Variants in ZMIZ1 observed in about 807,000 individuals in gnomAD.
ZMIZ1 encodes the protein zinc finger MIZ-type containing 1.
In ZMIZ1, 17 loss-of-function variants were observed where a neutral mutation model predicts 113.9. The ratio of observed to expected loss-of-function variants is 0.15; its 90% CI spans 0.10 to 0.22. The LOEUF is 0.22. ZMIZ1 is among the 10% of genes least tolerant of loss of function. The pLI is 1.00. For missense variants in ZMIZ1, 1,059 were observed against 1,477.8 expected (o/e 0.72, Z 4.65); for synonymous variants, 607 against 603.1 (o/e 1.01, Z -0.09).
chr10:79,202,189 G>GGAAA (rs1564716548), intron 5 of ZMIZ1, among the ~76,000 whole-genome samples: 2 of 52,626 alleles, frequency 3.8e-5, no homozygotes, highest in Admixed American at 2.5e-4. Context: ...CCCTGTCTCA[G>GGAAA]AAAAAAAAAA....
intron 24 of ZMIZ1, 124 bp downstream of exon 24, chr10:79,311,308 G>T: frequency 1.3e-6 from 1 of 765,108 alleles, no homozygotes; most frequent in African/African-American, 1.8e-5. Flanking sequence ...CGGTGGGAGG[G>T]CTTCACCCAG....
chr10:79,082,620 A>C (rs779474477), intron 1 of ZMIZ1, among the ~76,000 whole-genome samples: 1 of 152,226 alleles, frequency 6.6e-6, no homozygotes, highest in Non-Finnish European at 1.5e-5. Flanking sequence ...GCAGGATCCC[A>C]TGTCCTCCCA....
chr10:79,111,218 A>G (rs1046558497), intron 1 of ZMIZ1, among the ~76,000 whole-genome samples: 1 of 152,140 alleles, frequency 6.6e-6, no homozygotes, highest in Admixed American at 6.5e-5. Context: ...AGGCCCTGGC[A>G]CCCAGGCCAG....
intron 2 of ZMIZ1, among the ~76,000 whole-genome samples, chr10:79,119,302 A>C (rs769634631): frequency 3.3e-5 from 5 of 152,138 alleles, no homozygotes; most frequent in Non-Finnish European, 7.4e-5. Flanking sequence ...TTCCTTCTAG[A>C]GGGCCTCAGC....
chr10:79,093,452 G>A (rs1298482268), intron 1 of ZMIZ1, among the ~76,000 whole-genome samples: 2 of 151,824 alleles, frequency 1.3e-5, no homozygotes, highest in Non-Finnish European at 2.9e-5. Context: ...TCAGCCTCCC[G>A]AGTAACTGGG....
intron 1 of ZMIZ1, among the ~76,000 whole-genome samples, chr10:79,101,843 T>C (rs1259970862): frequency 1.3e-5 from 2 of 152,124 alleles, no homozygotes; most frequent in Non-Finnish European, 2.9e-5. Context: ...TCCACCGTTG[T>C]CCCTCCCCTC....
At chr10:79,214,396 G>A (rs1331623021) in intron 6 of ZMIZ1, among the ~76,000 whole-genome samples, 2 of 152,220 alleles carry the variant, frequency 1.3e-5, no homozygotes, top group East Asian at 3.8e-4. Flanking sequence ...GCCCTACACA[G>A]AGGGGCGCAG....
Position 79,164,953 on chromosome 10 carries a change from G to T in ZMIZ1, c.-50+2820G>T, listed in dbSNP as rs138827595. 5.8e-3 allele frequency among the ~76,000 whole-genome samples: 890 copies of T among 152,270 alleles called. 3 individuals are homozygous for T. Among genetic ancestry groups the T allele is most frequent in the Middle Eastern group, 0.01 (3 of 294 alleles). ...ACTGGACGAGGATACAGGCGCTGAG[G>T]CACCAGTGCCTGCTCCCCGCTGACT... On this transcript the variant is annotated intron_variant, in intron 4 of 24. Coordinates refer to ENST00000334512, the MANE Select transcript of ZMIZ1 (RefSeq NM_020338.4).
rs749925632 is a variant in ZMIZ1, at chr10:79,307,452, C to T, written c.2716C>T (p.Pro906Ser). 48 of 1,613,228 alleles carry T rather than the reference C, an allele frequency of 3.0e-5. No homozygotes were observed. The highest frequency in any genetic ancestry group is 3.9e-5 in the Non-Finnish European group (46 of 1,179,622). ...CAACTTTGACTTCCCCCACGGGAAC[C>T]CTGGAGGGACATCCATGAATGACTT... ...HGNFDFPHGN[P>S]GGTSMNDFMH... Residue 906 changes from proline to serine, a missense_variant, in exon 23 of 25, where the codon CCT (proline) becomes TCT (serine). Pro to Ser is a moderately conservative substitution (Grantham distance 74, BLOSUM62 -1). Transcript: ENST00000334512.
chr10:79,276,224 C>T (rs1300766120), intron 7 of ZMIZ1, among the ~76,000 whole-genome samples: 2 of 152,208 alleles, frequency 1.3e-5, no homozygotes, highest in Admixed American at 1.3e-4. Flanking sequence ...CTCCTGAAGT[C>T]AAACAGCAAG....
chr10:79,240,508 CAG>C (rs900619004), intron 7 of ZMIZ1, among the ~76,000 whole-genome samples: 3 of 152,172 alleles, frequency 2.0e-5, no homozygotes, highest in African/African-American at 7.2e-5. Context: ...CCAAGTGGGC[CAG>C]AGAGAGCCTT....
At chr10:79,070,101 G>A (rs1842208583) in intron 1 of ZMIZ1, among the ~76,000 whole-genome samples, 1 of 150,316 alleles carries the variant, frequency 6.7e-6, no homozygotes, top group Non-Finnish European at 1.5e-5. Context: ...GGGAGTGGGA[G>A]GCCAGCCGGG....
At chr10:79,236,139 G>C (rs556545766) in intron 7 of ZMIZ1, among the ~76,000 whole-genome samples, 1 of 152,214 alleles carries the variant, frequency 6.6e-6, no homozygotes, top group Non-Finnish European at 1.5e-5. Flanking sequence ...TGGTGGCTGG[G>C]ACACCTGGTA....
At chr10:79,243,297 C>G (rs918187698) in intron 7 of ZMIZ1, among the ~76,000 whole-genome samples, 5 of 150,342 alleles carry the variant, frequency 3.3e-5, no homozygotes, top group Admixed American at 1.3e-4. Context: ...GGCCCATCCC[C>G]GTCCCTGGAG....
At chr10:79,156,153 G>T (rs926194500) in intron 3 of ZMIZ1, among the ~76,000 whole-genome samples, 1 of 141,392 alleles carries the variant, frequency 7.1e-6, no homozygotes, top group African/African-American at 2.6e-5. Flanking sequence ...TTTAAATAAA[G>T]AAATGAATGA....
At chr10:79,285,700 A>AG in intron 8 of ZMIZ1, 1 of 410,484 alleles carries the variant, frequency 2.4e-6, no homozygotes, top group Non-Finnish European at 5.0e-6. Flanking sequence ...TGGTGTGTGA[A>AG]GACATCATGC....
intron 4 of ZMIZ1, among the ~76,000 whole-genome samples, chr10:79,193,771 G>T (rs1847709710): frequency 1.3e-5 from 2 of 152,190 alleles, no homozygotes; most frequent in Non-Finnish European, 2.9e-5. Flanking sequence ...TCCAGGCATT[G>T]CGGGCAGAGG....
chr10:79,222,698 C>T (rs1849029510), intron 7 of ZMIZ1, among the ~76,000 whole-genome samples: 3 of 152,146 alleles, frequency 2.0e-5, no homozygotes, highest in Admixed American at 2.0e-4. Flanking sequence ...CTGTCTGTGG[C>T]CTGTGGTCCA....
At chr10:79,197,826 T>C (rs1472733107) in intron 4 of ZMIZ1, among the ~76,000 whole-genome samples, 1 of 152,060 alleles carries the variant, frequency 6.6e-6, no homozygotes, top group Non-Finnish European at 1.5e-5. Context: ...ACCTGACTCA[T>C]AGGAGGAGCT....
Sources: gnomAD v4.1 joint callset for allele counts (sites outside exome capture counted in the v4.1 genomes callset) on GRCh38, gnomAD v4.1.1 for gene constraint, MANE v1.5 for transcripts, NCBI Gene and HGNC (gene_info 2026-07-23, HGNC 2026-07-21) for gene names.